The following MYBPH variants were observed in gnomAD, a reference collection of about 807,000 sequenced individuals.
MYBPH encodes myosin binding protein H.
A neutral mutation model predicts 53.6 loss-of-function variants in MYBPH; 49 were observed. The observed-to-expected ratio is 0.91, with a 90% CI of 0.73 to 1.16. The LOEUF (loss-of-function observed/expected upper bound fraction) is 1.16, where lower values mean the gene tolerates loss of function less well. MYBPH is among the 50% of genes most tolerant of loss of function. MYBPH has a pLI of 0.00. For missense variants in MYBPH, 558 were observed against 624.1 expected, an observed-to-expected ratio of 0.89 and a Z score of 1.13; for synonymous variants, 239 against 249.6, an observed-to-expected ratio of 0.96 and a Z score of 0.40.
chr1:203,171,405 T>C lies in MYBPH; in HGVS notation c.771A>G (p.Ala257=), dbSNP rs144011501. Residue 257 remains alanine, a synonymous_variant, in exon 5 of 11, where the codon GCA becomes GCG. Coordinates refer to ENST00000255416, the MANE Select transcript of MYBPH (RefSeq NM_004997.3). The surrounding 1 kb of genome is among the most constrained non-coding windows in gnomAD (Gnocchi z 4.2). ...TACCAATCACCAGGATGTCAATGACTGCCTTGGCCTCCAGGTCTTCCACGC... is the reference window on the plus strand; with the variant it reads ...TACCAATCACCAGGATGTCAATGACCGCCTTGGCCTCCAGGTCTTCCACGC... ...TVRVEDLEAK[A]VIDILVIEKP... is the part of the protein sequence containing the mutation. The C allele has an allele frequency of 3.6e-5, 58 of 1,613,578 alleles. No homozygotes were observed. The African/African-American group carries it at 7.1e-4, about 20-fold the overall frequency.
In MYBPH at chr1:203,169,252, C is replaced by A. The variant is rs765505298; in HGVS notation, c.1230+1G>T. ...GGGCACAACAGGGCCTGGCCCCTCA[C>A]CTTGGGTGAAGCTCGGACACTGCAG... On this transcript the variant is annotated splice_donor_variant, in intron 8 of 10. Transcript: ENST00000255416. LOFTEE classifies it high-confidence loss of function. 10 of 1,603,600 alleles carry A rather than the reference C, an allele frequency of 6.2e-6. No homozygotes were observed. Among genetic ancestry groups the A allele is most frequent in the Non-Finnish European group, 6.0e-6 (7 of 1,174,682 alleles).
Position 203,171,192 on chromosome 1 carries a change from C to T in MYBPH, c.802G>A (p.Gly268Arg). 6.3e-7 allele frequency: 1 copy of T among 1,596,636 alleles called. No individual in the cohort carries two copies. Among genetic ancestry groups the T allele is most frequent in the Non-Finnish European group, 8.5e-7 (1 of 1,172,542 alleles). The change falls in exon 6 of 11, where the codon GGA becomes AGA. Residue 268 changes from glycine to arginine, a missense_variant. Coordinates refer to ENST00000255416, the MANE Select transcript of MYBPH (RefSeq NM_004997.3). This position sits in a 1 kb window ranked among gnomAD's most constrained non-coding sequence, Gnocchi z 4.2. ...AGGAGCCTGATGCTGCTGGGGGGTC[C>T]AGGTTTCTCTGTAGGCCCAGAGTGT... ...VIDILVIEKP[G>R]PPSSIRLLDV...
In MYBPH at chr1:203,171,401, T is replaced by C; in HGVS notation, c.775A>G (p.Ile259Val). The C allele has an allele frequency of 6.2e-7, 1 of 1,613,418 alleles. No homozygotes were observed. Among genetic ancestry groups the C allele is most frequent in the East Asian group, 2.2e-5 (1 of 44,880 alleles). ...TCCATACCAATCACCAGGATGTCAA[T>C]GACTGCCTTGGCCTCCAGGTCTTCC... is the stretch of plus-strand genomic sequence containing the variant. ...RVEDLEAKAV[I>V]DILVIEKPGP... The change falls in exon 5 of 11, where the codon ATT (isoleucine) becomes GTT (valine). Residue 259 changes from isoleucine to valine, a missense_variant. Coordinates refer to ENST00000255416, the MANE Select transcript of MYBPH (RefSeq NM_004997.3). The surrounding 1 kb of genome is among the most constrained non-coding windows in gnomAD (Gnocchi z 4.2).
chr1:203,175,506 CT>C lies in MYBPH; in HGVS notation c.205+44del, dbSNP rs1553271218. On this transcript the variant is annotated intron_variant, in intron 1 of 10. Transcript: ENST00000255416. ...CATGGCCAAGAGCTCCCCTCCACCC[CT>C]GACATGCCTGCCTCCCTCCTCCCCC... is the stretch of plus-strand genomic sequence containing the variant. 5 of 1,612,124 alleles carry C rather than the reference CT, an allele frequency of 3.1e-6. No individual in the cohort carries two copies. In the African/African-American group the frequency reaches 5.3e-5, roughly 17 times the overall value.
chr1:203,170,765 ACT>A (rs1176787278), intron 6 of MYBPH, among the ~76,000 whole-genome samples: 1 of 152,062 alleles, frequency 6.6e-6, no homozygotes, highest in Admixed American at 6.5e-5. Context: ...ACTGAGTCAG[ACT>A]CTGCCTCTTA....
Position 203,169,239 on chromosome 1 carries a change from G to A in MYBPH, c.1230+14C>T. ...CCCCACCAGCCCAGGGCACAACAGG[G>A]CCTGGCCCCTCACCTTGGGTGAAGC... On this transcript the variant is annotated intron_variant, in intron 8 of 10. Coordinates refer to ENST00000255416, the MANE Select transcript of MYBPH (RefSeq NM_004997.3). 1 of 1,597,070 alleles carries A rather than the reference G, an allele frequency of 6.3e-7. No homozygotes were observed. Among genetic ancestry groups the A allele is most frequent in the Non-Finnish European group, 8.5e-7 (1 of 1,171,716 alleles).
chr1:203,178,484 A>G (rs2297944), upstream of MYBPH, among the ~76,000 whole-genome samples: 6,680 of 152,256 alleles, frequency 0.044, 433 homozygotes, highest in African/African-American at 0.14. Context: ...GGAAGGGTGC[A>G]TGAGATGACA....
chr1:203,171,053 A>G lies in MYBPH; in HGVS notation c.933+8T>C, dbSNP rs370764077. 8.3e-6 allele frequency: 13 copies of G among 1,573,514 alleles called. No homozygotes were observed. Among genetic ancestry groups the G allele is most frequent in the Admixed American group, 1.9e-5 (1 of 52,542 alleles). On this transcript the variant is annotated splice_region_variant and intron_variant, in intron 6 of 10. Transcript: ENST00000255416. This position sits in a 1 kb window ranked among gnomAD's most constrained non-coding sequence, Gnocchi z 4.2. ...ACCCCGACCCCACTTTGCCTCAGCC[A>G]GCCTCACCCCTGTCTTTTTGTCTGC...
Position 203,171,250 on chromosome 1 carries a change from A to G in MYBPH, c.794-50T>C. The G allele has an allele frequency of 6.4e-7, 1 of 1,554,562 alleles. No individual in the cohort carries two copies. Among genetic ancestry groups the G allele is most frequent in the South Asian group, 1.2e-5 (1 of 81,260 alleles). ...AGTGAGTGTGAGGGCCAGGCTGGCC[A>G]CAGAGCCCCCACACCCAAAATTTGG... On this transcript the variant is annotated intron_variant, in intron 5 of 10. Coordinates refer to ENST00000255416, the MANE Select transcript of MYBPH (RefSeq NM_004997.3). The surrounding 1 kb of genome is among the most constrained non-coding windows in gnomAD (Gnocchi z 4.2).
At chr1:203,173,745 G>A (rs976387197) in intron 3 of MYBPH, among the ~76,000 whole-genome samples, 1 of 152,226 alleles carries the variant, frequency 6.6e-6, no homozygotes, top group African/African-American at 2.4e-5. Context: ...TCCTCACCCT[G>A]GGGGACTGTG....
At chr1:203,168,516 C>A (rs1192292432) in intron 10 of MYBPH, 111 bp downstream of exon 10, 6 of 1,095,754 alleles carry the variant, frequency 5.5e-6, no homozygotes, top group Non-Finnish European at 8.1e-6. Flanking sequence ...AGTTTGTGTC[C>A]ACAGAGCTGA....
rs1253763269 is a variant in MYBPH, at chr1:203,167,878, A to G, written c.*246T>C. 1 of 153,108 alleles carries G rather than the reference A, an allele frequency of 6.5e-6. No individual in the cohort carries two copies. The highest frequency in any genetic ancestry group is 1.9e-4 in the East Asian group (1 of 5,178). 9.5% of individuals were successfully genotyped at this position (153,108 alleles called of 1,614,324 possible). A position where few individuals can be genotyped will look rare whatever the true frequency, so the allele number is the denominator to read the frequency against. On this transcript the variant is annotated 3_prime_UTR_variant, in exon 11 of 11. Transcript: ENST00000255416. ...AGAGTGCAACTCCGCAGGGCACTCC[A>G]ATCTCTGCGCCTTCCAGCACCCCTT...
At chr1:203,172,865 G>A (rs745785730) in intron 3 of MYBPH, among the ~76,000 whole-genome samples, 2 of 152,188 alleles carry the variant, frequency 1.3e-5, no homozygotes, top group Admixed American at 6.5e-5. Flanking sequence ...TGGCATGCAG[G>A]GCGGAGGAGG....
rs1360380008 is a variant in MYBPH, at chr1:203,174,523, C to T, written c.415G>A (p.Asp139Asn). 6.2e-7 allele frequency: 1 copy of T among 1,613,518 alleles called. No homozygotes were observed. The highest frequency in any genetic ancestry group is 1.3e-5 in the African/African-American group (1 of 74,932). ...GCAGACACGCGCAGGAGGAACTTGT[C>T]TCCCAGAGCCAGGTTCCGCACAGTC... The part of the protein sequence containing the change: ...QQTVRNLALG[D>N]KFLLRVSAVS... The change falls in exon 3 of 11, where the codon GAC becomes AAC. Residue 139 changes from aspartate (D) to asparagine (N), a missense_variant. Physicochemically the swap from Asp to Asn is conservative, Grantham distance 23. Coordinates refer to ENST00000255416, the MANE Select transcript of MYBPH (RefSeq NM_004997.3).
chr1:203,169,540 C>G, intron 7 of MYBPH, 151 bp from the exon 8 acceptor site: 2 of 1,153,456 alleles, frequency 1.7e-6, no homozygotes, highest in Non-Finnish European at 2.5e-6. Context: ...AAAGCTGAGA[C>G]TGTAGCTGGG....
In MYBPH at chr1:203,174,472, G is replaced by T; in HGVS notation, c.466C>A (p.Pro156Thr). 1 of 1,610,596 alleles carries T rather than the reference G, an allele frequency of 6.2e-7. No homozygotes were observed. The highest frequency in any genetic ancestry group is 8.5e-7 in the Non-Finnish European group (1 of 1,177,234). The change falls in exon 3 of 11, where the codon CCG becomes ACG. Residue 156 changes from proline to threonine, a missense_variant. Pro to Thr is a conservative substitution (Grantham distance 38, BLOSUM62 -1). Transcript: ENST00000255416. Reference protein sequence around the residue: ...SAVSSAGAGPPAMLDQPIHIR... With the variant: ...SAVSSAGAGPTAMLDQPIHIR... Reference sequence around the variant, plus strand: ...TGGATGGGCTGGTCCAGCATGGCCGGCGGGCCAGCCCCTGCAGAACTCACT... The same window carrying T: ...TGGATGGGCTGGTCCAGCATGGCCGTCGGGCCAGCCCCTGCAGAACTCACT...
At position 203,171,151 on chromosome 1, in the gene MYBPH, G is replaced by C; in HGVS notation, c.843C>G (p.Cys281Trp). Reference sequence around the variant, plus strand: ...GTGGCGTCCACTGAAGAGCAGCATTGCAGCCCCAGACGTCCAGGAGCCTGA... The same window carrying C: ...GTGGCGTCCACTGAAGAGCAGCATTCCAGCCCCAGACGTCCAGGAGCCTGA... ...SSIRLLDVWG[C>W]NAALQWTPPQ... The change falls in exon 6 of 11, where the codon TGC becomes TGG. Residue 281 changes from cysteine (C) to tryptophan (W), a missense_variant. By Grantham distance (215) the Cys-to-Trp change is radical. Transcript: ENST00000255416. This position sits in a 1 kb window ranked among gnomAD's most constrained non-coding sequence, Gnocchi z 4.2. The C allele has an allele frequency of 1.2e-6, 2 of 1,613,218 alleles. No homozygotes were observed. Among genetic ancestry groups the C allele is most frequent in the Non-Finnish European group, 1.7e-6 (2 of 1,179,558 alleles).
At position 203,172,021 on chromosome 1, in the gene MYBPH, G is replaced by C; in HGVS notation, c.528C>G (p.Val176=). 7.6e-7 allele frequency: 1 copy of C among 1,321,334 alleles called. No individual in the cohort carries two copies. The highest frequency in any genetic ancestry group is 9.7e-7 in the Non-Finnish European group (1 of 1,027,510). The allele number at this position is 1,321,334 out of a possible 1,614,324, so 81.9% of individuals were successfully genotyped here. ...RENIEAPKIR[V]PRHLRQTYIR... Reference sequence around the variant, plus strand: ...TGTAGGTCTGACGGAGGTGGCGGGGGACACGGATCTTGGGGGCCTCTGGAT... The same window carrying C: ...TGTAGGTCTGACGGAGGTGGCGGGGCACACGGATCTTGGGGGCCTCTGGAT... The change falls in exon 4 of 11, where the codon GTC becomes GTG. Residue 176 remains valine (V), a synonymous_variant. Transcript: ENST00000255416.
At chr1:203,168,562 C>G in intron 10 of MYBPH, 65 bp downstream of exon 10, 1 of 1,494,884 alleles carries the variant, frequency 6.7e-7, no homozygotes, top group Non-Finnish European at 9.1e-7. Flanking sequence ...CCCCCTGCTC[C>G]TGGCCTCCTC....
Sources: allele counts gnomAD v4.1 joint callset (sites outside exome capture counted in the v4.1 genomes callset), GRCh38; gene constraint gnomAD v4.1.1; non-coding constraint Gnocchi (gnomAD v3.1); transcripts MANE v1.5; gene names NCBI Gene and HGNC (gene_info 2026-07-23, HGNC 2026-07-21).